AVEN: variants seen among roughly 807,000 people sequenced by gnomAD.
The protein encoded by AVEN is apoptosis and caspase activation inhibitor.
AVEN carries 41 observed loss-of-function variants against 38.1 expected under a neutral mutation model. The ratio of observed to expected loss-of-function variants is 1.08; its 90% CI spans 0.84 to 1.40. The LOEUF is 1.40. Ranked by LOEUF, AVEN falls within the 40% of genes most tolerant of loss-of-function variation. The probability of loss-of-function intolerance (pLI) is 0.00; values close to 1 mark genes in which losing one functional copy is unlikely to be tolerated. For synonymous variants in AVEN, 206 were observed against 171.8 expected (o/e 1.20, Z -1.56); for missense variants, 605 against 438.8 (o/e 1.38, Z -3.38).
intron 5 of AVEN, among the ~76,000 whole-genome samples, chr15:34,048,695 A>C (rs965088234): frequency 2.0e-5 from 3 of 152,120 alleles, no homozygotes; most frequent in Non-Finnish European, 4.4e-5. Context: ...CTGCTCTACC[A>C]AAAAGCAGCC....
intron 2 of AVEN, among the ~76,000 whole-genome samples, chr15:33,918,791 A>G (rs1893269717): frequency 6.6e-6 from 1 of 151,832 alleles, no homozygotes; most frequent in Non-Finnish European, 1.5e-5. Context: ...TTTTCTTCTA[A>G]ATGATGTTGT....
chr15:34,031,490 T>A (rs1395601531), intron 1 of AVEN, among the ~76,000 whole-genome samples: 1 of 152,180 alleles, frequency 6.6e-6, no homozygotes, highest in African/African-American at 2.4e-5. Flanking sequence ...AGGTTAATAT[T>A]AAAATGTTTG....
At chr15:33,866,216 G>A, downstream of AVEN, 1 of 181,724 alleles carries the variant, frequency 5.5e-6, no homozygotes, top group African/African-American at 2.4e-5. Flanking sequence ...CACAAGAAAG[G>A]AAAGGAAAAC....
intron 4 of AVEN, among the ~76,000 whole-genome samples, chr15:33,870,639 G>A (rs1024846475): frequency 6.6e-5 from 10 of 152,132 alleles, no homozygotes; most frequent in African/African-American, 1.9e-4. Flanking sequence ...CCCTAGTGCC[G>A]AACATAGAGC....
At chr15:34,041,590 C>G (rs1469834565), upstream of AVEN, among the ~76,000 whole-genome samples, 8 of 152,314 alleles carry the variant, frequency 5.3e-5, no homozygotes, top group East Asian at 1.5e-3. Flanking sequence ...ATACTTTCAA[C>G]TAGTCAGTGT....
chr15:33,946,658 C>A (rs1894520697), intron 2 of AVEN, among the ~76,000 whole-genome samples: 1 of 152,214 alleles, frequency 6.6e-6, no homozygotes, highest in South Asian at 2.1e-4. Context: ...TGCTACAGAG[C>A]AGAGATCTAA....
chr15:33,931,560 C>T (rs889466505), intron 2 of AVEN, among the ~76,000 whole-genome samples: 2 of 151,590 alleles, frequency 1.3e-5, no homozygotes, highest in African/African-American at 4.8e-5. Flanking sequence ...TTAGTAGAGG[C>T]GGGGTTTCAC....
At chr15:33,889,642 CTTTTA>C (rs563282446) in intron 2 of AVEN, among the ~76,000 whole-genome samples, 106 of 152,168 alleles carry the variant, frequency 7.0e-4, no homozygotes, top group African/African-American at 2.5e-3. Flanking sequence ...ATTAGGTTTT[CTTTTA>C]TTTTTAGTTT....
At chr15:33,885,327 G>A (rs1318541462) in intron 2 of AVEN, among the ~76,000 whole-genome samples, 3 of 152,094 alleles carry the variant, frequency 2.0e-5, no homozygotes, top group Non-Finnish European at 4.4e-5. Context: ...AAGTCTCCAC[G>A]CTGACACAGA....
chr15:34,073,986 CTTCTTTTTTTTTTTTTTTTTT>C (rs1484774705), intron 1 of AVEN, among the ~76,000 whole-genome samples: 3 of 112,246 alleles, frequency 2.7e-5, no homozygotes, highest in Non-Finnish European at 5.0e-5. Flanking sequence ...TTTTCTTCTT[CTTCTTTTTTTTTTTTTTTTTT>C]TTTTTTTTGA....
intron 2 of AVEN, among the ~76,000 whole-genome samples, chr15:33,920,775 C>CTT (rs36067823): frequency 1.3e-4 from 19 of 151,100 alleles, no homozygotes; most frequent in Admixed American, 2.0e-4. Context: ...AATATACTTC[C>CTT]TTTTTTTTTA....
At chr15:34,062,531 G>A in intron 5 of AVEN, 1 of 574,466 alleles carries the variant, frequency 1.7e-6, no homozygotes, top group Non-Finnish European at 2.9e-6. Context: ...CTCCAGCCTG[G>A]GTGACAAAGC....
chr15:34,061,007 C>A (rs1900317779), intron 5 of AVEN, among the ~76,000 whole-genome samples: 1 of 149,912 alleles, frequency 6.7e-6, no homozygotes, highest in East Asian at 2.0e-4. Context: ...CAGAGCGAGA[C>A]TCCGTCTCAA....
chr15:34,047,234 T>C (rs903455402), intron 5 of AVEN, among the ~76,000 whole-genome samples: 5 of 152,012 alleles, frequency 3.3e-5, no homozygotes, highest in Admixed American at 6.6e-5. Context: ...CCCGCCACCA[T>C]GCCCTGCTAA....
chr15:33,900,627 C>CAAA (rs34818160), intron 2 of AVEN, among the ~76,000 whole-genome samples: 7,506 of 148,450 alleles, frequency 0.051, 597 homozygotes, highest in African/African-American at 0.17. Context: ...TTTTTAAATA[C>CAAA]AAAAAAAAAA....
intron 5 of AVEN, among the ~76,000 whole-genome samples, chr15:34,055,700 C>T (rs1900116197): frequency 6.6e-6 from 1 of 151,844 alleles, no homozygotes; most frequent in Non-Finnish European, 1.5e-5. Flanking sequence ...ACTCAGGAGG[C>T]TGAGGCAGGA....
chr15:34,027,869 T>G (rs1022430510), intron 1 of AVEN, among the ~76,000 whole-genome samples: 2 of 148,864 alleles, frequency 1.3e-5, no homozygotes, highest in South Asian at 4.2e-4. Flanking sequence ...AGGAAAAAAC[T>G]GAGGAACAAG....
intron 2 of AVEN, among the ~76,000 whole-genome samples, chr15:33,939,002 C>T (rs512594): frequency 0.59 from 89,897 of 151,972 alleles, 28,906 homozygotes; most frequent in East Asian, 0.76. Context: ...CCATTACGCC[C>T]GGCTAATTTT....
chr15:33,854,936 C>T, downstream of AVEN: 4 of 1,594,526 alleles, frequency 2.5e-6, no homozygotes, highest in Non-Finnish European at 3.4e-6. Context: ...TGATGCAGAA[C>T]AGAATGGACC....
Sources: gnomAD v4.1 joint callset for allele counts (sites outside exome capture counted in the v4.1 genomes callset) on GRCh38, gnomAD v4.1.1 for gene constraint, MANE v1.5 for transcripts, NCBI Gene and HGNC (gene_info 2026-07-23, HGNC 2026-07-21) for gene names.